Variants in HELZ observed in about 807,000 individuals in gnomAD.
HELZ encodes ATP-dependent RNA helicase with zinc finger domain.
Under a neutral mutation model 218.2 loss-of-function variants are expected in HELZ, and 23 were observed. The observed-to-expected ratio is 0.11, with a 90% CI of 0.08 to 0.15. The LOEUF (loss-of-function observed/expected upper bound fraction) is 0.15, where lower values mean the gene tolerates loss of function less well. Ranked by LOEUF, HELZ falls within the 10% of genes least tolerant of loss-of-function variation. The probability of loss-of-function intolerance (pLI) is 1.00; values close to 1 mark genes in which losing one functional copy is unlikely to be tolerated. For missense variants in HELZ, 1,813 were observed against 2,353.7 expected (o/e 0.77, Z 4.75); for synonymous variants, 814 against 829.4 (o/e 0.98, Z 0.32).
intron 20 of HELZ, among the ~76,000 whole-genome samples, chr17:67,146,776 A>C (rs1437995664): frequency 6.6e-6 from 1 of 152,208 alleles, no homozygotes; most frequent in Non-Finnish European, 1.5e-5. Context: ...AAACCTAAAA[A>C]TGGTTTTCAC....
intron 27 of HELZ, among the ~76,000 whole-genome samples, chr17:67,115,932 G>C (rs928905630): frequency 1.9e-4 from 29 of 152,154 alleles, no homozygotes; most frequent in African/African-American, 6.3e-4. Flanking sequence ...TTATAATTTA[G>C]AACTCTTTTA....
intron 25 of HELZ, among the ~76,000 whole-genome samples, chr17:67,123,492 C>T (rs2037684001): frequency 6.6e-6 from 1 of 152,144 alleles, no homozygotes; most frequent in Admixed American, 6.5e-5. Flanking sequence ...AATTATACAA[C>T]TCTTCAGAAT....
chr17:67,128,606 GT>G (rs1215403833), intron 24 of HELZ, 44 bp downstream of exon 24: 3 of 1,546,694 alleles, frequency 1.9e-6, no homozygotes, highest in Non-Finnish European at 2.7e-6. Flanking sequence ...CTTCTGCGAA[GT>G]TTTCTCCCTT....
intron 13 of HELZ, among the ~76,000 whole-genome samples, chr17:67,168,056 C>A (rs2039201687): frequency 1.3e-5 from 2 of 151,992 alleles, no homozygotes; most frequent in African/African-American, 4.8e-5. Flanking sequence ...GATCTTGGCT[C>A]ACTGCTACCT....
chr17:67,079,675 T>C (rs766677824), intron 32 of HELZ, among the ~76,000 whole-genome samples: 5 of 152,234 alleles, frequency 3.3e-5, no homozygotes, highest in Non-Finnish European at 7.3e-5. Flanking sequence ...CAGCCAGCCA[T>C]ATTTGCCCAT....
intron 21 of HELZ, among the ~76,000 whole-genome samples, chr17:67,139,334 G>A (rs1195378598): frequency 1.3e-5 from 2 of 152,062 alleles, no homozygotes; most frequent in Non-Finnish European, 2.9e-5. Context: ...TCACTATCAG[G>A]AAACAGAGTA....
intron 3 of HELZ, among the ~76,000 whole-genome samples, chr17:67,221,572 A>T (rs1262588808): frequency 6.6e-6 from 1 of 152,234 alleles, no homozygotes; most frequent in Non-Finnish European, 1.5e-5. Flanking sequence ...GGGAACCAGA[A>T]TTCACCAGCT....
At chr17:67,123,884 C>CCTCTTTCTT (rs1415881359) in intron 25 of HELZ, 79 bp downstream of exon 25, 4 of 901,706 alleles carry the variant, frequency 4.4e-6, no homozygotes, top group Non-Finnish European at 7.5e-6. Flanking sequence ...TCCCCACCCT[C>CCTCTTTCTT]CTCTTTCTTG....
At chr17:67,174,942 A>G (rs1238009345) in intron 13 of HELZ, among the ~76,000 whole-genome samples, 3 of 152,236 alleles carry the variant, frequency 2.0e-5, no homozygotes, top group Admixed American at 6.5e-5. Flanking sequence ...GCAAACTTCA[A>G]TGTGTTCAGA....
At chr17:67,101,922 G>T (rs548521912) in intron 31 of HELZ, among the ~76,000 whole-genome samples, 1 of 152,320 alleles carries the variant, frequency 6.6e-6, no homozygotes, top group Non-Finnish European at 1.5e-5. Flanking sequence ...ATTGGGGATG[G>T]TCTACTGCCT....
chr17:67,180,153 AG>A (rs1412310543), intron 12 of HELZ, among the ~76,000 whole-genome samples: 2 of 152,126 alleles, frequency 1.3e-5, no homozygotes, highest in African/African-American at 4.8e-5. Flanking sequence ...TCAAATGTAA[AG>A]ATGGTCTGCT....
chr17:67,240,052 A>G (rs1302678801), intron 2 of HELZ, among the ~76,000 whole-genome samples: 1 of 152,254 alleles, frequency 6.6e-6, no homozygotes, highest in East Asian at 1.9e-4. Context: ...CATTACATGA[A>G]TTCAATTCAT....
chr17:67,223,091 CAAAAAA>C (rs1170812696), intron 3 of HELZ, among the ~76,000 whole-genome samples: 18 of 95,158 alleles, frequency 1.9e-4, no homozygotes, highest in African/African-American at 6.9e-4. Context: ...ACTAAAAATA[CAAAAAA>C]AAAAAAAAAA....
At chr17:67,171,737 A>G (rs2039316646) in intron 13 of HELZ, among the ~76,000 whole-genome samples, 1 of 152,118 alleles carries the variant, frequency 6.6e-6, no homozygotes, top group South Asian at 2.1e-4. Context: ...CATTGCAACT[A>G]TAATAATCAA....
In HELZ at chr17:67,109,212, G is replaced by A. The variant is rs1362828242; in HGVS notation, c.4393C>T (p.Leu1465=). 6.2e-7 allele frequency: 1 copy of A among 1,614,190 alleles called. No homozygotes were observed. The highest frequency in any genetic ancestry group is 1.1e-5 in the South Asian group (1 of 91,084). Residue 1465 remains leucine (L), a synonymous_variant, in exon 29 of 33, where the codon CTG becomes TTG. Transcript: ENST00000358691. The part of the protein sequence containing the change: ...PPMLQEGHSP[L]RAIAQPGPIL... ...GGGCCGGGTTGTGCAATGGCTCTCA[G>A]AGGACTGTGGCCTTCTTGCAGCATG...
At chr17:67,191,642 A>G (rs2144299744) in intron 9 of HELZ, among the ~76,000 whole-genome samples, 1 of 151,240 alleles carries the variant, frequency 6.6e-6, no homozygotes, top group South Asian at 2.1e-4. Flanking sequence ...TTTAGTAGAG[A>G]TGGGGTTGCA....
At position 67,245,014 on chromosome 17, in the gene HELZ, A is replaced by C. The variant is rs7219939; in HGVS notation, c.-132+134T>G. On this transcript the variant is annotated intron_variant, in intron 1 of 32. Transcript: ENST00000358691. Reference sequence around the variant, plus strand: ...TCCCAGGCCCAGCCGCGGGCCGCCCAGGCCCCCAGCCTGCCCCGGGGCCGC... The same window carrying C: ...TCCCAGGCCCAGCCGCGGGCCGCCCCGGCCCCCAGCCTGCCCCGGGGCCGC... The C allele has an allele frequency of 7.0e-3, 6,849 of 985,090 alleles. 362 individuals are homozygous for C. The African/African-American group carries it at 0.11, about 15-fold the overall frequency. The allele number at this position is 985,090 out of a possible 1,614,324, so 61.0% of individuals were successfully genotyped here.
intron 15 of HELZ, 24 bp from the exon 16 acceptor site, chr17:67,161,100 TA>T: frequency 6.5e-7 from 1 of 1,543,006 alleles, no homozygotes; most frequent in Non-Finnish European, 8.8e-7. Context: ...AAATTTATGT[TA>T]AACACATGCA....
At chr17:67,117,256 G>A (rs4790986) in intron 27 of HELZ, among the ~76,000 whole-genome samples, 45,492 of 152,054 alleles carry the variant, frequency 0.3, 7,887 homozygotes, top group East Asian at 0.69. Context: ...TCATTCAAAA[G>A]CATTCAAGTC....
Sources: allele counts gnomAD v4.1 joint callset (sites outside exome capture counted in the v4.1 genomes callset), GRCh38; gene constraint gnomAD v4.1.1; transcripts MANE v1.5; gene names NCBI Gene and HGNC (gene_info 2026-07-23, HGNC 2026-07-21).